The following USP3 variants were observed in gnomAD, a reference collection of about 807,000 sequenced individuals.
USP3 encodes ubiquitin carboxyl-terminal hydrolase 3.
A neutral mutation model predicts 72.3 loss-of-function variants in USP3; 20 were observed. The observed-to-expected ratio is 0.28, with a 90% CI of 0.19 to 0.40. The LOEUF (loss-of-function observed/expected upper bound fraction) is 0.40, where lower values mean the gene tolerates loss of function less well. Ranked by LOEUF, USP3 falls within the 10% of genes least tolerant of loss-of-function variation. USP3 has a pLI of 1.00. For synonymous variants in USP3, 222 were observed against 225.3 expected (o/e 0.99, Z 0.13); for missense variants, 479 against 633.9 (o/e 0.76, Z 2.62).
Position 63,563,003 on chromosome 15 carries a change from C to G in USP3, c.756C>G (p.Asn252Lys). Residue 252 changes from asparagine to lysine, a missense_variant, in exon 8 of 15, where the codon AAC becomes AAG. Asn to Lys is a moderately conservative substitution (Grantham distance 94). Coordinates refer to ENST00000380324, the MANE Select transcript of USP3 (RefSeq NM_006537.4). The stretch of plus-strand genomic sequence containing the variant: ...ATGTTGTTTGGAAGATTATGCCAAA[C>G]TTTAGGTAAGTATTATATGAAGATA... Reference protein sequence around the residue: ...LFYVVWKIMPNFRGYQQQDAH... With the variant: ...LFYVVWKIMPKFRGYQQQDAH... 1 of 1,604,124 alleles carries G rather than the reference C, an allele frequency of 6.2e-7. No homozygotes were observed. The highest frequency in any genetic ancestry group is 8.5e-7 in the Non-Finnish European group (1 of 1,173,952).
chr15:63,536,756 A>AG (rs2066163143), intron 2 of USP3, among the ~76,000 whole-genome samples: 1 of 151,968 alleles, frequency 6.6e-6, no homozygotes, highest in Non-Finnish European at 1.5e-5. Context: ...CGGGAGGCTG[A>AG]GGCAGGAGAA....
chr15:63,574,903 G>C lies in USP3; in HGVS notation c.1096+500G>C, dbSNP rs1217155919. The stretch of plus-strand genomic sequence containing the variant: ...TTTGAACATATTTTTTGCTTGATGA[G>C]TACTAGCTACTGTAATCAAGGCAGA... On this transcript the variant is annotated intron_variant, in intron 11 of 14. Coordinates refer to ENST00000380324, the MANE Select transcript of USP3 (RefSeq NM_006537.4). The surrounding 1 kb of genome is among the most constrained non-coding windows in gnomAD (Gnocchi z 4.6). 1.3e-5 allele frequency among the ~76,000 whole-genome samples: 2 copies of C among 152,140 alleles called. No homozygotes were observed. Among genetic ancestry groups the C allele is most frequent in the Non-Finnish European group, 2.9e-5 (2 of 68,004 alleles).
At chr15:63,543,452 G>A (rs184584584) in intron 3 of USP3, among the ~76,000 whole-genome samples, 233 of 152,250 alleles carry the variant, frequency 1.5e-3, no homozygotes, top group African/African-American at 5.2e-3. Context: ...TTTGGGAGGA[G>A]AAAAGAAACC....
At chr15:63,508,060 G>GCAGCC (rs2065736202) in intron 1 of USP3, among the ~76,000 whole-genome samples, 1 of 152,120 alleles carries the variant, frequency 6.6e-6, no homozygotes. Context: ...CTCTTGAGAT[G>GCAGCC]TCACATCATG....
chr15:63,515,473 A>T (rs1359773300), intron 1 of USP3: 1 of 152,242 alleles, frequency 6.6e-6, no homozygotes, highest in Non-Finnish European at 1.5e-5. Flanking sequence ...AGTCAGCAGG[A>T]CCAGATGCCC....
In USP3 at chr15:63,588,230, TG is replaced by T. The variant is rs1252866639; in HGVS notation, c.1097-72del. Reference sequence around the variant, plus strand: ...GCTAATAAAGCTGAGATTTTAAACCTGGGTCTTTTTTCTACAGTACATTGCC... The same window carrying T: ...GCTAATAAAGCTGAGATTTTAAACCTGGTCTTTTTTCTACAGTACATTGCC... On this transcript the variant is annotated intron_variant, in intron 11 of 14. Transcript: ENST00000380324. The surrounding 1 kb of genome is among the most constrained non-coding windows in gnomAD (Gnocchi z 4.6). 51 of 1,143,394 alleles carry T rather than the reference TG, an allele frequency of 4.5e-5. 1 individual carries two copies. Among genetic ancestry groups the T allele is most frequent in the Non-Finnish European group, 6.2e-5 (50 of 807,084 alleles). 70.8% of individuals were successfully genotyped at this position (1,143,394 alleles called of 1,614,324 possible).
intron 3 of USP3, among the ~76,000 whole-genome samples, chr15:63,543,178 A>G (rs1191513279): frequency 6.6e-6 from 1 of 152,212 alleles, no homozygotes; most frequent in Non-Finnish European, 1.5e-5. Context: ...AATGACCCTT[A>G]TGAAGAAAAC....
intron 4 of USP3, among the ~76,000 whole-genome samples, chr15:63,554,085 T>C (rs1488813398): frequency 2.6e-5 from 4 of 152,114 alleles, no homozygotes; most frequent in Non-Finnish European, 5.9e-5. Context: ...TCAATTTATT[T>C]TGAGGGTACA....
At chr15:63,567,248 C>G (rs534295029) in intron 8 of USP3, among the ~76,000 whole-genome samples, 46 of 152,200 alleles carry the variant, frequency 3.0e-4, no homozygotes, top group African/African-American at 1.0e-3. Context: ...TGCAATGGCA[C>G]AGTGCAACCT....
chr15:63,594,479 A>G lies in USP3; in HGVS notation c.*3653A>G, dbSNP rs927403750. The G allele has an allele frequency of 2.0e-5, 3 of 152,202 alleles. No homozygotes were observed. Among genetic ancestry groups the G allele is most frequent in the Non-Finnish European group, 4.4e-5 (3 of 68,040 alleles). The allele number at this position is 152,202 out of a possible 1,614,324, so 9.4% of individuals were successfully genotyped here. On this transcript the variant is annotated 3_prime_UTR_variant, in exon 15 of 15. Coordinates refer to ENST00000380324, the MANE Select transcript of USP3 (RefSeq NM_006537.4). ...GCCTTCCATGAGTGTTGGTCATGCTATGATGTCATCATTTGCCATTAAAAC... is the reference window on the plus strand; with the variant it reads ...GCCTTCCATGAGTGTTGGTCATGCTGTGATGTCATCATTTGCCATTAAAAC...
At chr15:63,510,283 A>C (rs74519289) in intron 1 of USP3, among the ~76,000 whole-genome samples, 4,997 of 152,246 alleles carry the variant, frequency 0.033, 104 homozygotes, top group Middle Eastern at 0.099. Context: ...TCCCTCTTCC[A>C]TCAGGAGCTG....
At chr15:63,554,068 A>C (rs541348780) in intron 4 of USP3, among the ~76,000 whole-genome samples, 1 of 152,296 alleles carries the variant, frequency 6.6e-6, no homozygotes, top group South Asian at 2.1e-4. Context: ...AACAATTTAT[A>C]AGCTACTCAA....
intron 8 of USP3, among the ~76,000 whole-genome samples, chr15:63,563,790 G>A (rs1463784921): frequency 6.6e-6 from 1 of 152,142 alleles, no homozygotes; most frequent in Non-Finnish European, 1.5e-5. Context: ...TCATGCTGTA[G>A]TAAACTTAGT....
At position 63,504,629 on chromosome 15, in the gene USP3, T is replaced by C; in HGVS notation, c.-111T>C. 2 of 934,358 alleles carry C rather than the reference T, an allele frequency of 2.1e-6. No homozygotes were observed. Among genetic ancestry groups the C allele is most frequent in the Admixed American group, 6.2e-5 (2 of 32,106 alleles). 57.9% of individuals were successfully genotyped at this position (934,358 alleles called of 1,614,324 possible). A position where few individuals can be genotyped will look rare whatever the true frequency, so the allele number is the denominator to read the frequency against. On this transcript the variant is annotated 5_prime_UTR_variant, in exon 1 of 15. Transcript: ENST00000380324. Reference sequence around the variant, plus strand: ...GCAAGGGCTCGAGACGCAGCCGCCGTCGGCCGAGCGCCCGGCTAGAAGCGA... The same window carrying C: ...GCAAGGGCTCGAGACGCAGCCGCCGCCGGCCGAGCGCCCGGCTAGAAGCGA...
rs771942475 is a variant in USP3, at chr15:63,590,689, G to A, written c.1426G>A (p.Ala476Thr). 1.4e-5 allele frequency: 23 copies of A among 1,612,530 alleles called. No individual in the cohort carries two copies. The highest frequency in any genetic ancestry group is 1.6e-4 in the Middle Eastern group (1 of 6,074). Residue 476 changes from alanine (A) to threonine (T), a missense_variant, in exon 15 of 15, where the codon GCA becomes ACA. Transcript: ENST00000380324. ...GVGSGHYTAYATHEGRWFHFN... is the reference protein window; with the variant it reads ...GVGSGHYTAYTTHEGRWFHFN... ...TGGTTCTGGACATTACACAGCATAC[G>A]CAACTCACGAAGGCCGCTGGTTCCA...
At position 63,528,110 on chromosome 15, in the gene USP3, T is replaced by C. The variant is rs981494552; in HGVS notation, c.92-4537T>C. The C allele has an allele frequency of 2.0e-5, 3 of 152,324 alleles. 1 individual carries two copies. The highest frequency in any genetic ancestry group is 1.9e-4 in the East Asian group (1 of 5,208). 9.4% of individuals were successfully genotyped at this position (152,324 alleles called of 1,614,324 possible). On this transcript the variant is annotated intron_variant, in intron 1 of 14. Transcript: ENST00000380324. The surrounding 1 kb of genome is among the most constrained non-coding windows in gnomAD (Gnocchi z 4.3). ...GGGACAGAGGAAGATTCTGAAGCCG[T>C]AGCTGAAGAGGAGGCAGTGAAAGGA...
chr15:63,578,860 G>T (rs2152680836), intron 11 of USP3, among the ~76,000 whole-genome samples: 1 of 152,216 alleles, frequency 6.6e-6, no homozygotes, highest in South Asian at 2.1e-4. Flanking sequence ...CAGGCAGATT[G>T]ATTATATACC....
chr15:63,528,705 A>G lies in USP3; in HGVS notation c.92-3942A>G, dbSNP rs1178952235. Among the ~76,000 whole-genome samples the G allele has an allele frequency of 1.1e-4, 16 of 152,156 alleles. No individual in the cohort carries two copies. Among genetic ancestry groups the G allele is most frequent in the African/African-American group, 3.9e-4 (16 of 41,436 alleles). On this transcript the variant is annotated intron_variant, in intron 1 of 14. Coordinates refer to ENST00000380324, the MANE Select transcript of USP3 (RefSeq NM_006537.4). The surrounding 1 kb of genome is among the most constrained non-coding windows in gnomAD (Gnocchi z 4.3). ...GTTTATCCTGCAGGTAAACTTTTGA[A>G]TCTCATCTATCTATAAATTGAAACT...
intron 1 of USP3, among the ~76,000 whole-genome samples, chr15:63,530,001 G>A (rs1240352254): frequency 6.6e-6 from 1 of 152,126 alleles, no homozygotes; most frequent in Non-Finnish European, 1.5e-5. Flanking sequence ...GCCAGGCGTG[G>A]TGGCAGATGC....
Sources: gnomAD v4.1 joint callset for allele counts (sites outside exome capture counted in the v4.1 genomes callset) on GRCh38, gnomAD v4.1.1 for gene constraint, Gnocchi (gnomAD v3.1) non-coding constraint, MANE v1.5 for transcripts, NCBI Gene and HGNC (gene_info 2026-07-23, HGNC 2026-07-21) for gene names.